The following MAP1A variants were observed in gnomAD, a reference collection of about 807,000 sequenced individuals.
MAP1A encodes microtubule associated protein 1A.
MAP1A carries 42 observed loss-of-function variants against 185.9 expected under a neutral mutation model. That is an observed-to-expected ratio of 0.23 (90% CI 0.18 to 0.29). MAP1A has a LOEUF of 0.29. MAP1A is among the 10% of genes least tolerant of loss of function. The pLI is 1.00. For missense variants in MAP1A, 2,995 were observed against 3,450.4 expected (o/e 0.87, Z 3.31); for synonymous variants, 1,229 against 1,335.9 (o/e 0.92, Z 1.74).
rs576946901 is a variant in MAP1A at position 43,522,390 on chromosome 15, C to G, written c.917C>G (p.Thr306Ser). Reference protein sequence around the residue: ...QKDLASGAVPTNLKPSKIKQR... With the variant: ...QKDLASGAVPSNLKPSKIKQR... ...GACCTGGCTTCTGGGGCTGTGCCTA[C>G]CAACCTCAAGCCCAGCAAAATCAAA... Residue 306 changes from threonine to serine, a missense_variant, in exon 4 of 6, where the codon ACC becomes AGC. This residue lies in a region of MAP1A where 264 missense variants were observed against 435.3 expected (regional missense o/e 0.61). Transcript: ENST00000300231. The surrounding 1 kb of genome is among the most constrained non-coding windows in gnomAD (Gnocchi z 5.9). 1 of 1,614,154 alleles carries G rather than the reference C, an allele frequency of 6.2e-7. No individual in the cohort carries two copies. The highest frequency in any genetic ancestry group is 1.6e-4 in the Middle Eastern group (1 of 6,062).
In MAP1A at chr15:43,522,245, C is replaced by G. The variant is rs1417589433; in HGVS notation, c.772C>G (p.Pro258Ala). Residue 258 changes from proline to alanine, a missense_variant, in exon 4 of 6, where the codon CCC becomes GCC. Physicochemically the swap from Pro to Ala is conservative, Grantham distance 27. Around this residue, in one of 3 missense-constraint regions of MAP1A, gnomAD observed 264 missense variants for 435.3 expected, o/e 0.61. Coordinates refer to ENST00000300231, the MANE Select transcript of MAP1A (RefSeq NM_002373.6). This position sits in a 1 kb window ranked among gnomAD's most constrained non-coding sequence, Gnocchi z 5.9. ...TALVVWLPAN[P>A]TEKIVRVLFP... ...TCTGGTGGTCTGGCTACCAGCCAAT[C>G]CCACTGAGAAGATTGTGCGTGTGCT... 2.5e-6 allele frequency: 4 copies of G among 1,614,220 alleles called. No homozygotes were observed. Among genetic ancestry groups the G allele is most frequent in the Non-Finnish European group, 3.4e-6 (4 of 1,180,038 alleles).
chr15:43,522,557 A>G lies in MAP1A; in HGVS notation c.1084A>G (p.Lys362Glu), dbSNP rs778024714. 1 of 1,611,550 alleles carries G rather than the reference A, an allele frequency of 6.2e-7. No individual in the cohort carries two copies. Among genetic ancestry groups the G allele is most frequent in the Non-Finnish European group, 8.5e-7 (1 of 1,178,628 alleles). The change falls in exon 4 of 6, where the codon AAG (lysine) becomes GAG (glutamate). Residue 362 changes from lysine to glutamate, a missense_variant. Physicochemically the swap from Lys to Glu is moderately conservative, Grantham distance 56. Coordinates refer to ENST00000300231, the MANE Select transcript of MAP1A (RefSeq NM_002373.6). This position sits in a 1 kb window ranked among gnomAD's most constrained non-coding sequence, Gnocchi z 5.9. ...LAKELAKTEK[K>E]AKESSEKPPE... ...CAAGGAGTTAGCCAAGACAGAGAAG[A>G]AGGCAAAAGAGTCATCTGAGAAGCC...
In MAP1A at chr15:43,526,584, G is replaced by T. The variant is rs368929949; in HGVS notation, c.5111G>T (p.Arg1704Leu). 1.2e-6 allele frequency: 2 copies of T among 1,614,176 alleles called. No homozygotes were observed. The highest frequency in any genetic ancestry group is 1.7e-6 in the Non-Finnish European group (2 of 1,180,034). Residue 1704 changes from arginine to leucine, a missense_variant, in exon 4 of 6, where the codon CGG becomes CTG. Physicochemically the swap from Arg to Leu is moderately radical, Grantham distance 102 (BLOSUM62 -2). This residue lies in a region of MAP1A where 2,728 missense variants were observed against 2,986.0 expected (regional missense o/e 0.91). Coordinates refer to ENST00000300231, the MANE Select transcript of MAP1A (RefSeq NM_002373.6). This position sits in a 1 kb window ranked among gnomAD's most constrained non-coding sequence, Gnocchi z 4.7. ...DTYWRELSCE[R>L]KVWFPHELDG... ...TACTGGAGGGAGCTAAGCTGTGAGCGGAAGGTCTGGTTCCCTCACGAGCTG... is the reference window on the plus strand; with the variant it reads ...TACTGGAGGGAGCTAAGCTGTGAGCTGAAGGTCTGGTTCCCTCACGAGCTG...
upstream of MAP1A, among the ~76,000 whole-genome samples, chr15:43,516,256 C>G (rs972153925): frequency 6.6e-6 from 1 of 152,172 alleles, no homozygotes; most frequent in Admixed American, 6.5e-5. Context: ...GATTTGCATC[C>G]CCGGATCTAA....
In MAP1A at chr15:43,528,401, C is replaced by T. The variant is rs2140210708; in HGVS notation, c.6928C>T (p.Pro2310Ser). The change falls in exon 4 of 6, where the codon CCC becomes TCC. Residue 2310 changes from proline (P) to serine (S), a missense_variant. By Grantham distance (74) the Pro-to-Ser change is moderately conservative. Transcript: ENST00000300231. ...GGACCTCACTCCTCTGAGCCCAGCA[C>T]CCCCAGCTTCACTGGACTTGGCCCT... ...LWDLTPLSPA[P>S]PASLDLALAP... The T allele has an allele frequency of 6.2e-7, 1 of 1,613,782 alleles. No individual in the cohort carries two copies. The highest frequency in any genetic ancestry group is 1.1e-5 in the South Asian group (1 of 91,090).
At position 43,530,065 on chromosome 15, in the gene MAP1A, C is replaced by T. The variant is rs1366977934; in HGVS notation, c.8257-4C>T. Reference sequence around the variant, plus strand: ...ACATCAGACATATCTTATCTCCCTTCTAGGTGACTCTGATCCCTACTCATG... The same window carrying T: ...ACATCAGACATATCTTATCTCCCTTTTAGGTGACTCTGATCCCTACTCATG... On this transcript the variant is annotated splice_region_variant and splice_polypyrimidine_tract_variant and intron_variant, in intron 5 of 5. Coordinates refer to ENST00000300231, the MANE Select transcript of MAP1A (RefSeq NM_002373.6). 6.2e-7 allele frequency: 1 copy of T among 1,614,020 alleles called. No individual in the cohort carries two copies. The highest frequency in any genetic ancestry group is 2.2e-5 in the East Asian group (1 of 44,878).
At position 43,522,349 on chromosome 15, in the gene MAP1A, T is replaced by C. The variant is rs1162322479; in HGVS notation, c.876T>C (p.Pro292=). 1.5e-5 allele frequency: 24 copies of C among 1,614,132 alleles called. No homozygotes were observed. Among genetic ancestry groups the C allele is most frequent in the Non-Finnish European group, 1.9e-5 (22 of 1,180,030 alleles). The change falls in exon 4 of 6, where the codon CCT becomes CCC. Residue 292 remains proline, a synonymous_variant. Transcript: ENST00000300231. The surrounding 1 kb of genome is among the most constrained non-coding windows in gnomAD (Gnocchi z 5.9). ...GGCATCTGGACTTCCTGCGTTACCCTGTGGCCACGCAGAAGGACCTGGCTT... is the reference window on the plus strand; with the variant it reads ...GGCATCTGGACTTCCTGCGTTACCCCGTGGCCACGCAGAAGGACCTGGCTT... ...KLRHLDFLRY[P]VATQKDLASG...
chr15:43,518,714 C>T (rs542859244), intron 1 of MAP1A, among the ~76,000 whole-genome samples: 3 of 138,398 alleles, frequency 2.2e-5, no homozygotes, highest in Admixed American at 7.0e-5. Flanking sequence ...GCCCACCCCC[C>T]CCCGCAACTC....
Position 43,528,424 on chromosome 15 carries a change from C to G in MAP1A, c.6951C>G (p.Ala2317=). 6.2e-7 allele frequency: 1 copy of G among 1,613,636 alleles called. No individual in the cohort carries two copies. Among genetic ancestry groups the G allele is most frequent in the South Asian group, 1.1e-5 (1 of 91,090 alleles). The change falls in exon 4 of 6, where the codon GCC becomes GCG. Residue 2317 remains alanine, a synonymous_variant. Coordinates refer to ENST00000300231, the MANE Select transcript of MAP1A (RefSeq NM_002373.6). The part of the protein sequence containing the change: ...SPAPPASLDL[A]LAPAPSLPGD... ...CACCCCCAGCTTCACTGGACTTGGC[C>G]CTAGCTCCAGCTCCAAGCCTGCCTG...
rs2140213045 is a variant in MAP1A, at chr15:43,531,326, A to G, written c.*1102A>G. 6.5e-6 allele frequency: 1 copy of G among 152,864 alleles called. No homozygotes were observed. Among genetic ancestry groups the G allele is most frequent in the South Asian group, 2.1e-4 (1 of 4,832 alleles). 9.5% of individuals were successfully genotyped at this position (152,864 alleles called of 1,614,324 possible). A position where few individuals can be genotyped will look rare whatever the true frequency, so the allele number is the denominator to read the frequency against. ...AGCTTAACTCCTACAGAGTGAAATG[A>G]AAACGGGCTGAAAATACCACCCCAG... On this transcript the variant is annotated 3_prime_UTR_variant, in exon 6 of 6. Transcript: ENST00000300231.
rs2079326471 is a variant in MAP1A, at chr15:43,523,086, T to C, written c.1613T>C (p.Met538Thr). 8.7e-6 allele frequency: 14 copies of C among 1,614,152 alleles called. No homozygotes were observed. Among genetic ancestry groups the C allele is most frequent in the Non-Finnish European group, 1.2e-5 (14 of 1,180,024 alleles). The change falls in exon 4 of 6, where the codon ATG becomes ACG. Residue 538 changes from methionine to threonine, a missense_variant. This residue lies in a region of MAP1A where 2,728 missense variants were observed against 2,986.0 expected (regional missense o/e 0.91). Coordinates refer to ENST00000300231, the MANE Select transcript of MAP1A (RefSeq NM_002373.6). ...PEDLTQDFEE[M>T]KREERALLAE... ...GACCTCACACAGGACTTTGAGGAGATGAAGCGTGAGGAGAGGGCTTTGCTG... is the reference window on the plus strand; with the variant it reads ...GACCTCACACAGGACTTTGAGGAGACGAAGCGTGAGGAGAGGGCTTTGCTG...
Position 43,526,597 on chromosome 15 carries a change from C to T in MAP1A, c.5124C>T (p.Phe1708=). ...TAAGCTGTGAGCGGAAGGTCTGGTT[C>T]CCTCACGAGCTGGATGGCCAGGGGG... The part of the protein sequence containing the change: ...RELSCERKVW[F]PHELDGQGAR... The change falls in exon 4 of 6, where the codon TTC becomes TTT. Residue 1708 remains phenylalanine (F), a synonymous_variant. Transcript: ENST00000300231. The surrounding 1 kb of genome is among the most constrained non-coding windows in gnomAD (Gnocchi z 4.7). The T allele has an allele frequency of 1.2e-6, 2 of 1,614,122 alleles. No individual in the cohort carries two copies. The highest frequency in any genetic ancestry group is 8.5e-7 in the Non-Finnish European group (1 of 1,180,020).
rs2079360068 is a variant in MAP1A at position 43,529,125 on chromosome 15, C to T, written c.7652C>T (p.Thr2551Ile). The T allele has an allele frequency of 2.5e-6, 4 of 1,613,548 alleles. No homozygotes were observed. Among genetic ancestry groups the T allele is most frequent in the Non-Finnish European group, 3.4e-6 (4 of 1,179,930 alleles). ...PVDKAGGVSG[T>I]HHPRPGHDPP... ...GACAAAGCTGGGGGTGTCAGTGGTACTCACCACCCCAGGCCTGGCCATGAC... is the reference window on the plus strand; with the variant it reads ...GACAAAGCTGGGGGTGTCAGTGGTATTCACCACCCCAGGCCTGGCCATGAC... Residue 2551 changes from threonine (T) to isoleucine (I), a missense_variant, in exon 4 of 6, where the codon ACT becomes ATT. This residue lies in a region of MAP1A where 2,728 missense variants were observed against 2,986.0 expected (regional missense o/e 0.91). Transcript: ENST00000300231. The surrounding 1 kb of genome is among the most constrained non-coding windows in gnomAD (Gnocchi z 4.3).
rs533854066 is a variant in MAP1A, at chr15:43,523,108, G to C, written c.1635G>C (p.Leu545Phe). ...AGATGAAGCGTGAGGAGAGGGCTTT[G>C]CTGGCTGAACAAAGGGACACAGGAC... ...FEEMKREERA[L>F]LAEQRDTGLG... The change falls in exon 4 of 6, where the codon TTG (leucine) becomes TTC (phenylalanine). Residue 545 changes from leucine (L) to phenylalanine (F), a missense_variant. Physicochemically the swap from Leu to Phe is conservative, Grantham distance 22. Transcript: ENST00000300231. 1.2e-6 allele frequency: 2 copies of C among 1,614,040 alleles called. No homozygotes were observed. Among genetic ancestry groups the C allele is most frequent in the African/African-American group, 2.7e-5 (2 of 74,902 alleles).
In MAP1A at chr15:43,526,924, G is replaced by T. The variant is rs745849967; in HGVS notation, c.5451G>T (p.Glu1817Asp). 9 of 1,613,936 alleles carry T rather than the reference G, an allele frequency of 5.6e-6. No individual in the cohort carries two copies. In the Admixed American group the frequency reaches 1.5e-4, roughly 27 times the overall value. ...GQRVPSAPGQ[E>D]SPIPDPKLMP... ...GGGTTCCTTCAGCCCCAGGACAAGA[G>T]AGTCCTATCCCAGACCCTAAGCTCA... is the stretch of plus-strand genomic sequence containing the variant. Residue 1817 changes from glutamate (E) to aspartate (D), a missense_variant, in exon 4 of 6, where the codon GAG becomes GAT. Glu to Asp is a conservative substitution (Grantham distance 45). Coordinates refer to ENST00000300231, the MANE Select transcript of MAP1A (RefSeq NM_002373.6). The surrounding 1 kb of genome is among the most constrained non-coding windows in gnomAD (Gnocchi z 4.7).
intron 2 of MAP1A, 92 bp from the exon 3 acceptor site, chr15:43,520,880 G>T (rs985495992): frequency 7.2e-7 from 1 of 1,380,142 alleles, no homozygotes; most frequent in Non-Finnish European, 1.0e-6. Flanking sequence ...AGGGACATAA[G>T]TTGGGAGCAT....
chr15:43,525,264 C>T lies in MAP1A; in HGVS notation c.3791C>T (p.Ser1264Leu). The change falls in exon 4 of 6, where the codon TCA becomes TTA. Residue 1264 changes from serine (S) to leucine (L), a missense_variant. By Grantham distance (145) the Ser-to-Leu change is moderately radical (BLOSUM62 -2). This residue lies in a region of MAP1A where 2,728 missense variants were observed against 2,986.0 expected (regional missense o/e 0.91). Coordinates refer to ENST00000300231, the MANE Select transcript of MAP1A (RefSeq NM_002373.6). ...CCAGAGCCCCATGCAGCCACAGCGTCACCTCCCACAGATGGGACAACTCGA... is the reference window on the plus strand; with the variant it reads ...CCAGAGCCCCATGCAGCCACAGCGTTACCTCCCACAGATGGGACAACTCGA... Reference protein sequence around the residue: ...SVPEPHAATASPPTDGTTRYS... With the variant: ...SVPEPHAATALPPTDGTTRYS... 1.2e-6 allele frequency: 2 copies of T among 1,614,192 alleles called. No individual in the cohort carries two copies. The highest frequency in any genetic ancestry group is 1.7e-6 in the Non-Finnish European group (2 of 1,180,040).
rs767078513 is a variant in MAP1A at position 43,524,740 on chromosome 15, A to G, written c.3267A>G (p.Gln1089=). 3.3e-5 allele frequency: 53 copies of G among 1,613,978 alleles called. No individual in the cohort carries two copies. The highest frequency in any genetic ancestry group is 4.1e-5 in the Non-Finnish European group (48 of 1,180,000). ...IDEGLTGCTI[Q]LLPAQDKAIV... is the part of the protein sequence containing the mutation. ...AGGGGCTTACAGGCTGTACCATTCA[A>G]CTGTTGCCAGCACAGGATAAAGCAA... The change falls in exon 4 of 6, where the codon CAA becomes CAG. Residue 1089 remains glutamine (Q), a synonymous_variant. Coordinates refer to ENST00000300231, the MANE Select transcript of MAP1A (RefSeq NM_002373.6).
In MAP1A at chr15:43,527,380, C is replaced by T. The variant is rs2079349541; in HGVS notation, c.5907C>T (p.Asp1969=). The change falls in exon 4 of 6, where the codon GAC becomes GAT. Residue 1969 remains aspartate, a synonymous_variant. Transcript: ENST00000300231. Reference sequence around the variant, plus strand: ...ATGAGAGAAGCTTTCAGTATGCAGACATCTATGAGCAGATGATGCTTACTG... The same window carrying T: ...ATGAGAGAAGCTTTCAGTATGCAGATATCTATGAGCAGATGATGCTTACTG... ...YPDERSFQYA[D]IYEQMMLTGL... is the part of the protein sequence containing the mutation. The T allele has an allele frequency of 1.9e-6, 3 of 1,614,082 alleles. No individual in the cohort carries two copies. Among genetic ancestry groups the T allele is most frequent in the African/African-American group, 2.7e-5 (2 of 74,916 alleles).
Sources: allele counts gnomAD v4.1 joint callset (sites outside exome capture counted in the v4.1 genomes callset), GRCh38; gene constraint gnomAD v4.1.1; regional missense constraint gnomAD v4.1.1; non-coding constraint Gnocchi (gnomAD v3.1); transcripts MANE v1.5; gene names NCBI Gene and HGNC (gene_info 2026-07-23, HGNC 2026-07-21).